Variants in GLI2 observed in about 807,000 individuals in gnomAD.
GLI2 encodes the protein GLI family zinc finger 2, also known as transcription activator GLI2.
In GLI2, 22 loss-of-function variants were observed where a neutral mutation model predicts 78.9. The observed-to-expected ratio is 0.28, with a 90% CI of 0.20 to 0.40. The LOEUF is 0.40. GLI2 is among the 10% of genes least tolerant of loss of function. The probability of loss-of-function intolerance (pLI) is 1.00; values close to 1 mark genes in which losing one functional copy is unlikely to be tolerated. For synonymous variants in GLI2, 974 were observed against 963.7 expected (o/e 1.01, Z -0.20); for missense variants, 2,097 against 2,213.2 (o/e 0.95, Z 1.05).
At chr2:120,822,876 A>T (rs946108007) in intron 2 of GLI2, among the ~76,000 whole-genome samples, 2 of 152,144 alleles carry the variant, frequency 1.3e-5, no homozygotes, top group Admixed American at 1.3e-4. Flanking sequence ...TTTTCAGTAC[A>T]CTCTGAACCC....
chr2:120,827,102 G>A (rs73949936), intron 2 of GLI2, among the ~76,000 whole-genome samples: 7,100 of 152,262 alleles, frequency 0.047, 548 homozygotes, highest in African/African-American at 0.16. Flanking sequence ...GACTAAATCC[G>A]TGACCGGATG....
At chr2:120,929,300 A>G (rs1679838819) in intron 3 of GLI2, among the ~76,000 whole-genome samples, 1 of 152,258 alleles carries the variant, frequency 6.6e-6, no homozygotes, top group African/African-American at 2.4e-5. Flanking sequence ...TCCGCTTTAA[A>G]GTTGTCCCGT....
chr2:120,883,767 G>A (rs114374635), intron 2 of GLI2, among the ~76,000 whole-genome samples: 243 of 152,304 alleles, frequency 1.6e-3, no homozygotes, highest in African/African-American at 5.6e-3. Context: ...GCTGAGTCTT[G>A]GATGAGGGAT....
intron 2 of GLI2, among the ~76,000 whole-genome samples, chr2:120,927,090 G>A (rs1340286423): frequency 6.6e-6 from 1 of 152,248 alleles, no homozygotes; most frequent in African/African-American, 2.4e-5. Flanking sequence ...GGCCCTGCCT[G>A]TAATCTCCCC....
chr2:120,781,351 G>T (rs1222727451), intron 1 of GLI2, among the ~76,000 whole-genome samples: 2 of 152,200 alleles, frequency 1.3e-5, no homozygotes, highest in Non-Finnish European at 2.9e-5. Flanking sequence ...GGTGGGCAGA[G>T]GCAGATTCTC....
chr2:120,883,202 C>T (rs573405480), intron 2 of GLI2, among the ~76,000 whole-genome samples: 1 of 152,282 alleles, frequency 6.6e-6, no homozygotes, highest in South Asian at 2.1e-4. Flanking sequence ...AAAAGATAAC[C>T]TTGGCCGGGC....
chr2:120,891,555 T>G (rs1010066282), intron 2 of GLI2, among the ~76,000 whole-genome samples: 1 of 152,106 alleles, frequency 6.6e-6, no homozygotes, highest in African/African-American at 2.4e-5. Flanking sequence ...GCGTACAGAA[T>G]GTGATTGAAG....
chr2:120,933,412 GGTGT>G (rs1680037160), intron 3 of GLI2, among the ~76,000 whole-genome samples: 1 of 152,174 alleles, frequency 6.6e-6, no homozygotes, highest in Non-Finnish European at 1.5e-5. Flanking sequence ...ATGGGGCAGG[GGTGT>G]GTGATTGCTG....
intron 2 of GLI2, among the ~76,000 whole-genome samples, chr2:120,914,202 G>A (rs1205623311): frequency 6.6e-6 from 1 of 152,228 alleles, no homozygotes; most frequent in African/African-American, 2.4e-5. Flanking sequence ...AGCTGACGGG[G>A]TCGCCAGTGT....
intron 1 of GLI2, among the ~76,000 whole-genome samples, chr2:120,749,844 A>G (rs1176689602): frequency 6.6e-6 from 1 of 152,230 alleles, no homozygotes; most frequent in Non-Finnish European, 1.5e-5. Context: ...TTGGAGACCA[A>G]GTGCCGCATC....
chr2:120,886,366 A>G (rs1247040737), intron 2 of GLI2, among the ~76,000 whole-genome samples: 1 of 151,920 alleles, frequency 6.6e-6, no homozygotes, highest in Non-Finnish European at 1.5e-5. Flanking sequence ...GCTGGGCTTA[A>G]GCGATTCTCC....
chr2:120,812,462 C>T (rs1181980552), intron 2 of GLI2, among the ~76,000 whole-genome samples: 1 of 152,172 alleles, frequency 6.6e-6, no homozygotes, highest in East Asian at 1.9e-4. Context: ...AGGGCTGAAG[C>T]TGAGACGCAG....
intron 2 of GLI2, among the ~76,000 whole-genome samples, chr2:120,888,560 G>A (rs996003199): frequency 2.0e-5 from 3 of 152,176 alleles, no homozygotes; most frequent in Non-Finnish European, 4.4e-5. Context: ...AGGCCGTGAG[G>A]GCCATGTTCC....
chr2:120,982,541 A>G (rs1418406471), intron 10 of GLI2, among the ~76,000 whole-genome samples, 175 bp from the exon 11 acceptor site: 4 of 152,028 alleles, frequency 2.6e-5, no homozygotes, highest in Admixed American at 2.0e-4. Flanking sequence ...TTCTCTTTGT[A>G]CCTTTCAGCC....
chr2:120,764,187 G>A lies in GLI2; in HGVS notation c.-31+27902G>A, dbSNP rs566057442. ...TGATGGCACTGGGCACAGAAGAGGT[G>A]CCAGCGAAGTGGCAGAGCTGACTGG... On this transcript the variant is annotated intron_variant, in intron 1 of 13. Transcript: ENST00000361492. Among the ~76,000 whole-genome samples the A allele has an allele frequency of 1.6e-4, 25 of 152,376 alleles. No individual in the cohort carries two copies. The East Asian group carries it at 4.4e-3, about 27-fold the overall frequency.
At chr2:120,766,284 C>G (rs1683363350) in intron 1 of GLI2, among the ~76,000 whole-genome samples, 1 of 152,244 alleles carries the variant, frequency 6.6e-6, no homozygotes, top group Admixed American at 6.5e-5. Flanking sequence ...TCCTGCCACC[C>G]AGACAGTGTG....
intron 3 of GLI2, among the ~76,000 whole-genome samples, chr2:120,945,374 A>C (rs890371372): frequency 5.9e-5 from 9 of 152,168 alleles, no homozygotes; most frequent in African/African-American, 2.2e-4. Context: ...CCTCATGCCC[A>C]GACACAGAAG....
At chr2:120,847,215 G>A (rs1361084136) in intron 2 of GLI2, among the ~76,000 whole-genome samples, 1 of 152,128 alleles carries the variant, frequency 6.6e-6, no homozygotes, top group Non-Finnish European at 1.5e-5. Context: ...ATCAGGCTCA[G>A]CAGGCACTGT....
At chr2:120,798,302 T>A (rs539644434) in intron 2 of GLI2, among the ~76,000 whole-genome samples, 20 of 152,322 alleles carry the variant, frequency 1.3e-4, no homozygotes, top group Admixed American at 1.2e-3. Context: ...ACACAGTTGT[T>A]GGGGGCTTGT....
Sources: gnomAD v4.1 joint callset for allele counts (sites outside exome capture counted in the v4.1 genomes callset) on GRCh38, gnomAD v4.1.1 for gene constraint, MANE v1.5 for transcripts, NCBI Gene and HGNC (gene_info 2026-07-23, HGNC 2026-07-21) for gene names.